DCDC1: variants seen among roughly 807,000 people sequenced by gnomAD.
DCDC1 encodes the protein doublecortin domain-containing protein 1.
A neutral mutation model predicts 178.3 loss-of-function variants in DCDC1; 200 were observed. The observed-to-expected ratio is 1.12, with a 90% confidence interval of 1.00 to 1.26. The LOEUF (loss-of-function observed/expected upper bound fraction) is 1.26. Among genes scored for constraint, DCDC1 ranks in the 50% most tolerant of loss-of-function variants. The pLI, the probability that DCDC1 is intolerant of heterozygous loss-of-function variation, is 0.00. For synonymous variants in DCDC1, 690 were observed against 604.8 expected (o/e 1.14, Z -2.07); for missense variants, 1,983 against 1,749.2 (o/e 1.13, Z -2.38).
chr11:31,206,733 A>C (rs1352547915), intron 9 of DCDC1, among the ~76,000 whole-genome samples: 1 of 152,112 alleles, frequency 6.6e-6, no homozygotes, highest in Non-Finnish European at 1.5e-5. Flanking sequence ...TGGATTTCTA[A>C]GGCATCTGTG....
chr11:31,108,526 C>T (rs965205899), intron 12 of DCDC1, among the ~76,000 whole-genome samples: 13 of 152,098 alleles, frequency 8.5e-5, no homozygotes, highest in Non-Finnish European at 1.6e-4. Flanking sequence ...AGAGATTTTG[C>T]TTTACAGGCA....
chr11:30,912,928 A>C (rs2134186534), intron 27 of DCDC1, among the ~76,000 whole-genome samples: 1 of 152,334 alleles, frequency 6.6e-6, no homozygotes, highest in South Asian at 2.1e-4. Flanking sequence ...ACATAGTGTA[A>C]CCCACGGTTC....
At chr11:31,286,895 T>C (rs1946877221) in intron 7 of DCDC1, among the ~76,000 whole-genome samples, 1 of 152,024 alleles carries the variant, frequency 6.6e-6, no homozygotes. Context: ...AAAATCTACA[T>C]ATTGAAAGTG....
chr11:31,328,456 GA>G (rs1031706378), intron 2 of DCDC1, among the ~76,000 whole-genome samples, 170 bp from the exon 3 acceptor site: 35 of 151,436 alleles, frequency 2.3e-4, no homozygotes, highest in African/African-American at 7.0e-4. Context: ...CTTAAAGAAA[GA>G]AAAAAAATAT....
In DCDC1 at chr11:31,128,003, C is replaced by A. The variant is rs1961888119; in HGVS notation, c.1315-364G>T. Among the ~76,000 whole-genome samples the A allele has an allele frequency of 2.0e-5, 3 of 152,126 alleles. No individual in the cohort carries two copies. The South Asian group carries it at 6.2e-4, about 32-fold the overall frequency. On this transcript the variant is annotated intron_variant, in intron 10 of 38. Transcript: ENST00000684477. ...ACTTTAAATAATCCAATGTATGTAA[C>A]CTACCACCAAATATTTCATTTCACT... is the stretch of plus-strand genomic sequence containing the variant.
intron 23 of DCDC1, 133 bp downstream of exon 23, chr11:30,925,176 G>T: frequency 5.3e-6 from 4 of 751,548 alleles, no homozygotes; most frequent in Non-Finnish European, 8.6e-6. Flanking sequence ...TCTGATGTTT[G>T]CTCAGTTAGG....
At chr11:31,291,906 A>C (rs1947255181) in intron 6 of DCDC1, among the ~76,000 whole-genome samples, 1 of 152,112 alleles carries the variant, frequency 6.6e-6, no homozygotes, top group Non-Finnish European at 1.5e-5. Flanking sequence ...TTTACATAAA[A>C]TCTGCTAATA....
intron 2 of DCDC1, among the ~76,000 whole-genome samples, chr11:31,329,838 T>C (rs1019874320): frequency 4.6e-5 from 7 of 152,214 alleles, no homozygotes; most frequent in African/African-American, 1.7e-4. Flanking sequence ...TTTGCTATTG[T>C]GAATAGTGCC....
At chr11:31,041,456 T>C (rs1290423001) in intron 20 of DCDC1, among the ~76,000 whole-genome samples, 1 of 152,212 alleles carries the variant, frequency 6.6e-6, no homozygotes, top group East Asian at 1.9e-4. Context: ...TTATAAACAT[T>C]GATTTACTTA....
At chr11:31,239,650 G>A (rs949135490) in intron 9 of DCDC1, among the ~76,000 whole-genome samples, 15 of 151,816 alleles carry the variant, frequency 9.9e-5, no homozygotes, top group Non-Finnish European at 2.1e-4. Flanking sequence ...AAAAGCTTTA[G>A]GAGAAATGGC....
intron 16 of DCDC1, among the ~76,000 whole-genome samples, chr11:31,093,436 T>C (rs903666049): frequency 6.6e-6 from 1 of 152,192 alleles, no homozygotes; most frequent in Admixed American, 6.5e-5. Context: ...GTGAACTGCA[T>C]CATCTCTTTT....
chr11:30,867,191 C>G (rs1163759192), intron 38 of DCDC1, among the ~76,000 whole-genome samples: 1 of 152,154 alleles, frequency 6.6e-6, no homozygotes, highest in Non-Finnish European at 1.5e-5. Context: ...TTCAGAATTA[C>G]CAAGACCACA....
chr11:31,278,819 A>C (rs34598518), intron 7 of DCDC1, among the ~76,000 whole-genome samples: 1 of 152,160 alleles, frequency 6.6e-6, no homozygotes, highest in Non-Finnish European at 1.5e-5. Flanking sequence ...AAAATAAATA[A>C]CAATAATAAT....
intron 9 of DCDC1, among the ~76,000 whole-genome samples, chr11:31,202,418 A>C (rs1357475927): frequency 6.6e-6 from 1 of 152,072 alleles, no homozygotes; most frequent in Non-Finnish European, 1.5e-5. Flanking sequence ...AAAGAAAAAA[A>C]AAAGTAGTTG....
At chr11:31,055,706 C>G (rs1174767051) in intron 20 of DCDC1, among the ~76,000 whole-genome samples, 3 of 152,124 alleles carry the variant, frequency 2.0e-5, no homozygotes, top group African/African-American at 4.8e-5. Context: ...TTTGCAGTGA[C>G]CTGGGTGAGA....
chr11:31,143,492 C>T (rs948289684), intron 9 of DCDC1, among the ~76,000 whole-genome samples: 5 of 152,016 alleles, frequency 3.3e-5, no homozygotes, highest in African/African-American at 1.2e-4. Context: ...AAGCAAAGGG[C>T]TAGATGGTTA....
chr11:30,904,174 A>G lies in DCDC1; in HGVS notation c.4309-491T>C, dbSNP rs1033268517. The G allele has an allele frequency of 2.6e-5, 4 of 152,420 alleles. No homozygotes were observed. The East Asian group carries it at 7.7e-4, about 29-fold the overall frequency. The allele number at this position is 152,420 out of a possible 1,614,324, so 9.4% of individuals were successfully genotyped here. A position where few individuals can be genotyped will look rare whatever the true frequency, so the allele number is the denominator to read the frequency against. ...ATTTTTGTCCAAGACCATAAAAGCC[A>G]GCTGTGGATCCCTGGGTGAATCTTG... is the stretch of plus-strand genomic sequence containing the variant. On this transcript the variant is annotated intron_variant, in intron 31 of 38. Transcript: ENST00000684477.
At chr11:31,039,920 A>G (rs190743347) in intron 20 of DCDC1, among the ~76,000 whole-genome samples, 252 of 152,294 alleles carry the variant, frequency 1.7e-3, no homozygotes, top group African/African-American at 5.3e-3. Context: ...ATTGATGTGA[A>G]TGTTTATTTT....
intron 2 of DCDC1, among the ~76,000 whole-genome samples, chr11:31,330,812 A>G (rs1323388204): frequency 2.0e-5 from 3 of 152,150 alleles, no homozygotes; most frequent in African/African-American, 4.8e-5. Flanking sequence ...CTTGTAGTAT[A>G]GTTTGAAGTC....
Sources: allele counts gnomAD v4.1 joint callset (sites outside exome capture counted in the v4.1 genomes callset), GRCh38; gene constraint gnomAD v4.1.1; transcripts MANE v1.5; gene names NCBI Gene and HGNC (gene_info 2026-07-23, HGNC 2026-07-21).